Variants in CTNND2 observed in about 807,000 individuals in gnomAD.
CTNND2 encodes the protein catenin delta-2.
CTNND2 carries 22 observed loss-of-function variants against 144.4 expected under a neutral mutation model. The observed-to-expected ratio is 0.15, with a 90% CI of 0.11 to 0.22. The LOEUF is 0.22. Ranked by LOEUF, CTNND2 falls within the 10% of genes least tolerant of loss-of-function variation. The pLI, the probability that CTNND2 is intolerant of heterozygous loss-of-function variation, is 1.00. For synonymous variants in CTNND2, 751 were observed against 695.6 expected, an observed-to-expected ratio of 1.08 and a Z score of -1.25; for missense variants, 1,353 against 1,618.8, an observed-to-expected ratio of 0.84 and a Z score of 2.82.
chr5:11,439,438 C>T (rs1239795803), intron 3 of CTNND2, among the ~76,000 whole-genome samples: 1 of 152,140 alleles, frequency 6.6e-6, no homozygotes, highest in Non-Finnish European at 1.5e-5. Context: ...CCTTTCACTC[C>T]TTTAGTTTTC....
chr5:11,113,044 G>A (rs995197632), intron 13 of CTNND2, among the ~76,000 whole-genome samples: 16 of 152,266 alleles, frequency 1.1e-4, no homozygotes, highest in Non-Finnish European at 1.9e-4. Context: ...AGGAGGCTAA[G>A]GCAGGAGAAT....
At chr5:11,689,348 A>G (rs1301129272) in intron 2 of CTNND2, among the ~76,000 whole-genome samples, 2 of 152,248 alleles carry the variant, frequency 1.3e-5, no homozygotes, top group African/African-American at 2.4e-5. Context: ...CTGTTCTATG[A>G]TGGTAAAACA....
rs61752678 is a variant in CTNND2, at chr5:10,978,743, T to G, written c.3417+3030A>C. ...ACATTTGCCTGAGGCCCAGTGGCCT[T>G]GGTGTTTCACTCTGAGACTGAGTCA... On this transcript the variant is annotated intron_variant, in intron 21 of 21. Coordinates refer to ENST00000304623, the MANE Select transcript of CTNND2 (RefSeq NM_001332.4). Among the ~76,000 whole-genome samples the G allele has an allele frequency of 2.4e-3, 367 of 152,334 alleles. 1 individual carries two copies. Among genetic ancestry groups the G allele is most frequent in the African/African-American group, 8.3e-3 (346 of 41,578 alleles).
At chr5:11,693,032 G>A (rs556759642) in intron 2 of CTNND2, among the ~76,000 whole-genome samples, 30 of 152,308 alleles carry the variant, frequency 2.0e-4, no homozygotes, top group Non-Finnish European at 3.7e-4. Flanking sequence ...CATCTGGGTT[G>A]TCAATTTTCA....
At chr5:11,223,998 G>C (rs1010020244) in intron 10 of CTNND2, among the ~76,000 whole-genome samples, 1 of 152,128 alleles carries the variant, frequency 6.6e-6, no homozygotes, top group Non-Finnish European at 1.5e-5. Context: ...CCCATCTATT[G>C]GTAAGTAAAA....
chr5:11,596,030 C>G (rs2150147071), intron 2 of CTNND2, among the ~76,000 whole-genome samples: 1 of 152,280 alleles, frequency 6.6e-6, no homozygotes, highest in Middle Eastern at 3.4e-3. Flanking sequence ...TACAGACATG[C>G]ACACACGCAA....
At chr5:11,014,555 A>C (rs999181541) in intron 18 of CTNND2, among the ~76,000 whole-genome samples, 1 of 152,208 alleles carries the variant, frequency 6.6e-6, no homozygotes, top group Non-Finnish European at 1.5e-5. Context: ...CATTAGGGCA[A>C]AATAACCCAG....
intron 1 of CTNND2, among the ~76,000 whole-genome samples, chr5:11,882,802 T>C (rs1177918968): frequency 6.6e-6 from 1 of 152,174 alleles, no homozygotes; most frequent in Non-Finnish European, 1.5e-5. Context: ...TCTTTTGTGG[T>C]TCCATAAAAA....
intron 1 of CTNND2, among the ~76,000 whole-genome samples, chr5:11,790,286 AG>A (rs1187454594): frequency 6.6e-6 from 1 of 152,170 alleles, no homozygotes; most frequent in African/African-American, 2.4e-5. Context: ...CCCCTACTCC[AG>A]AAGAAGTTTC....
chr5:11,050,973 C>A (rs1580145051), intron 16 of CTNND2, among the ~76,000 whole-genome samples: 1 of 152,238 alleles, frequency 6.6e-6, no homozygotes, highest in East Asian at 1.9e-4. Flanking sequence ...TACCACTCTT[C>A]TGCCTTTAAG....
chr5:11,312,314 T>A (rs950064010), intron 9 of CTNND2, among the ~76,000 whole-genome samples: 2 of 151,020 alleles, frequency 1.3e-5, no homozygotes, highest in Non-Finnish European at 3.0e-5. Context: ...TCTGTTTTCA[T>A]GCTGCTGATA....
chr5:11,903,430 C>A lies in CTNND2; in HGVS notation c.37+387G>T. The A allele has an allele frequency of 1.0e-6, 1 of 982,834 alleles. No individual in the cohort carries two copies. Among genetic ancestry groups the A allele is most frequent in the Non-Finnish European group, 1.2e-6 (1 of 813,004 alleles). The allele number at this position is 982,834 out of a possible 1,614,324, so 60.9% of individuals were successfully genotyped here. A position where few individuals can be genotyped will look rare whatever the true frequency, so the allele number is the denominator to read the frequency against. On this transcript the variant is annotated intron_variant, in intron 1 of 21. Coordinates refer to ENST00000304623, the MANE Select transcript of CTNND2 (RefSeq NM_001332.4). This position sits in a 1 kb window ranked among gnomAD's most constrained non-coding sequence, Gnocchi z 5.4. The stretch of plus-strand genomic sequence containing the variant: ...AAAGACTGGAGGGAAGTCCTCCCCA[C>A]CCCCACCCCGTCTCCTCCCGTATAT...
At chr5:11,684,187 T>C (rs1401116729) in intron 2 of CTNND2, among the ~76,000 whole-genome samples, 2 of 152,110 alleles carry the variant, frequency 1.3e-5, no homozygotes, top group Admixed American at 6.5e-5. Context: ...CTGCAAGCTC[T>C]GCCTCCTGGG....
At position 11,420,963 on chromosome 5, in the gene CTNND2, C is replaced by T. The variant is rs186645856; in HGVS notation, c.288-8894G>A. Among the ~76,000 whole-genome samples, 142 of 152,192 alleles carry T rather than the reference C, an allele frequency of 9.3e-4. 6 individuals carry two copies. In the East Asian group the frequency reaches 0.02, roughly 22 times the overall value. On this transcript the variant is annotated intron_variant, in intron 3 of 21. Transcript: ENST00000304623. The stretch of plus-strand genomic sequence containing the variant: ...AGATTGTTACCCAGTGTCATGCCTA[C>T]GTGACACAGGTAAATTTCTACCCCA...
intron 2 of CTNND2, among the ~76,000 whole-genome samples, chr5:11,618,940 C>A (rs2126416919): frequency 6.6e-6 from 1 of 152,192 alleles, no homozygotes; most frequent in East Asian, 1.9e-4. Context: ...TGTTTACCTC[C>A]ATTTTTAAAA....
At chr5:10,984,619 T>C (rs76717633) in intron 20 of CTNND2, among the ~76,000 whole-genome samples, 22 of 152,314 alleles carry the variant, frequency 1.4e-4, no homozygotes, top group Non-Finnish European at 2.8e-4. Context: ...GAGACTGAAT[T>C]ACCTTTACAG....
intron 5 of CTNND2, among the ~76,000 whole-genome samples, chr5:11,399,388 T>TA (rs10695163): frequency 6.6e-6 from 1 of 152,186 alleles, no homozygotes; most frequent in Non-Finnish European, 1.5e-5. Flanking sequence ...AGCATTATCT[T>TA]AGACAGTTGC....
At chr5:11,716,426 A>G (rs1193387256) in intron 2 of CTNND2, among the ~76,000 whole-genome samples, 1 of 152,236 alleles carries the variant, frequency 6.6e-6, no homozygotes, top group Non-Finnish European at 1.5e-5. Flanking sequence ...ATTACCATGA[A>G]TAAGAGAGAT....
At chr5:11,698,319 C>G (rs568326781) in intron 2 of CTNND2, among the ~76,000 whole-genome samples, 2 of 149,004 alleles carry the variant, frequency 1.3e-5, no homozygotes, top group Non-Finnish European at 3.0e-5. Flanking sequence ...GACGGAGTCT[C>G]GCTCTGTCGC....
Sources: gnomAD v4.1 joint callset for allele counts (sites outside exome capture counted in the v4.1 genomes callset) on GRCh38, gnomAD v4.1.1 for gene constraint, Gnocchi (gnomAD v3.1) non-coding constraint, MANE v1.5 for transcripts, NCBI Gene and HGNC (gene_info 2026-07-23, HGNC 2026-07-21) for gene names.